FAM185A: variants seen among roughly 807,000 people sequenced by gnomAD.
FAM185A encodes the protein family with sequence similarity 185 member A.
A neutral mutation model predicts 45.7 loss-of-function variants in FAM185A; 21 were observed. That is an observed-to-expected ratio of 0.46 (90% CI 0.33 to 0.66). The LOEUF (loss-of-function observed/expected upper bound fraction) is 0.66, where lower values mean the gene tolerates loss of function less well. Among genes scored for constraint, FAM185A ranks in the 30% least tolerant of loss-of-function variants. The probability of loss-of-function intolerance (pLI) is 0.03; values close to 1 mark genes in which losing one functional copy is unlikely to be tolerated. For synonymous variants in FAM185A, 117 were observed against 194.0 expected (o/e 0.60, Z 3.30); for missense variants, 305 against 485.4 (o/e 0.63, Z 3.49).
At chr7:102,811,065 T>C (rs1355782146), downstream of FAM185A, among the ~76,000 whole-genome samples, 1 of 152,214 alleles carries the variant, frequency 6.6e-6, no homozygotes, top group Non-Finnish European at 1.5e-5. Context: ...TGTGGTGTGT[T>C]ATACTATTAA....
At chr7:102,781,595 G>T (rs1795412337) in intron 6 of FAM185A, among the ~76,000 whole-genome samples, 2 of 152,198 alleles carry the variant, frequency 1.3e-5, no homozygotes, top group Non-Finnish European at 2.9e-5. Flanking sequence ...GCAGCTGAGG[G>T]TCCTGACTGT....
At chr7:102,800,830 A>G (rs1435149946) in intron 7 of FAM185A, among the ~76,000 whole-genome samples, 2 of 152,198 alleles carry the variant, frequency 1.3e-5, no homozygotes, top group East Asian at 3.9e-4. Flanking sequence ...AACTGAGGAA[A>G]ACTTCCCTGG....
At chr7:102,778,857 C>T (rs2411046) in intron 6 of FAM185A, among the ~76,000 whole-genome samples, 7 of 151,934 alleles carry the variant, frequency 4.6e-5, no homozygotes, top group Non-Finnish European at 7.4e-5. Context: ...CTTAATCGTT[C>T]GCAAAGACAT....
the FAM185A span, among the ~76,000 whole-genome samples, chr7:102,829,417 T>C: frequency 6.6e-6 from 1 of 152,232 alleles, no homozygotes; most frequent in Non-Finnish European, 1.5e-5. Context: ...TGCTTTCGCT[T>C]ACCTTATCCC....
chr7:102,801,470 CAACT>C (rs1250130292), intron 7 of FAM185A, among the ~76,000 whole-genome samples: 3 of 152,178 alleles, frequency 2.0e-5, no homozygotes, highest in African/African-American at 4.8e-5. Flanking sequence ...ATTCACCAAC[CAACT>C]ATCTACTGCT....
intron 4 of FAM185A, among the ~76,000 whole-genome samples, chr7:102,771,607 A>T (rs1458435195): frequency 6.6e-6 from 1 of 152,054 alleles, no homozygotes; most frequent in Non-Finnish European, 1.5e-5. Context: ...AGTTTACTGA[A>T]GATTAATTCT....
the FAM185A span, among the ~76,000 whole-genome samples, chr7:102,831,394 G>GAC: frequency 0.071 from 9,988 of 141,506 alleles, 364 homozygotes; most frequent in East Asian, 0.088. Context: ...CAGTGCCCGG[G>GAC]ACACACACAC....
intron 2 of FAM185A, among the ~76,000 whole-genome samples, chr7:102,752,470 C>T (rs1793423995): frequency 6.6e-6 from 1 of 151,978 alleles, no homozygotes; most frequent in Non-Finnish European, 1.5e-5. Flanking sequence ...CAGGGTTTCA[C>T]CATGTTGGCC....
At chr7:102,821,036 A>AC in the FAM185A span, among the ~76,000 whole-genome samples, 1 of 152,242 alleles carries the variant, frequency 6.6e-6, no homozygotes, top group Non-Finnish European at 1.5e-5. Context: ...GATTGGCAAA[A>AC]TATAATCAAA....
intron 2 of FAM185A, chr7:102,755,323 T>C (rs1793641625): frequency 1.8e-6 from 1 of 564,498 alleles, no homozygotes; most frequent in Non-Finnish European, 3.1e-6. Context: ...ATGGCCCCGC[T>C]ATATCAGGTT....
At chr7:102,764,011 C>T (rs1322626291) in intron 4 of FAM185A, among the ~76,000 whole-genome samples, 16 of 152,194 alleles carry the variant, frequency 1.1e-4, no homozygotes, top group Non-Finnish European at 1.9e-4. Flanking sequence ...CCATTATCAC[C>T]CTGCCTCAAT....
intron 5 of FAM185A, among the ~76,000 whole-genome samples, chr7:102,775,468 C>G (rs1426653364): frequency 6.6e-6 from 1 of 152,154 alleles, no homozygotes; most frequent in Non-Finnish European, 1.5e-5. Context: ...TTCTTGAAAA[C>G]ATCTTGCGTT....
At chr7:102,776,052 G>A (rs541071572) in intron 5 of FAM185A, among the ~76,000 whole-genome samples, 1 of 150,640 alleles carries the variant, frequency 6.6e-6, no homozygotes, top group African/African-American at 2.5e-5. Context: ...TACTCTCTTT[G>A]TTTGAAGTCA....
chr7:102,838,502 G>A, the FAM185A span, among the ~76,000 whole-genome samples: 1 of 152,068 alleles, frequency 6.6e-6, no homozygotes, highest in East Asian at 1.9e-4. Context: ...CCAGGCTGGA[G>A]TGCAGTGGTG....
intron 7 of FAM185A, among the ~76,000 whole-genome samples, chr7:102,794,803 C>A (rs1796351212): frequency 6.6e-6 from 1 of 152,172 alleles, no homozygotes; most frequent in Non-Finnish European, 1.5e-5. Flanking sequence ...CATGGTATGT[C>A]CACATAAGGT....
intron 2 of FAM185A, among the ~76,000 whole-genome samples, chr7:102,756,696 C>T (rs1264309081): frequency 1.4e-5 from 2 of 145,278 alleles, no homozygotes; most frequent in Non-Finnish European, 3.0e-5. Flanking sequence ...CATCTAATGG[C>T]TCATATATAA....
intron 7 of FAM185A, among the ~76,000 whole-genome samples, chr7:102,799,910 C>T (rs914608674): frequency 3.4e-4 from 52 of 151,664 alleles, no homozygotes; most frequent in South Asian, 6.3e-4. Context: ...TAGAGGCTCG[C>T]GTCATGAATT....
At chr7:102,800,702 A>C (rs1487516943) in intron 7 of FAM185A, among the ~76,000 whole-genome samples, 1 of 152,154 alleles carries the variant, frequency 6.6e-6, no homozygotes, top group Admixed American at 6.5e-5. Context: ...AAAAGAAGAA[A>C]ATATGAACAA....
downstream of FAM185A, among the ~76,000 whole-genome samples, chr7:102,810,345 G>A (rs544833309): frequency 1.5e-4 from 23 of 151,662 alleles, no homozygotes; most frequent in Non-Finnish European, 3.1e-4. Context: ...CGATTCCCAT[G>A]CCTCAGCCAC....
Sources: gnomAD v4.1 joint callset for allele counts (sites outside exome capture counted in the v4.1 genomes callset) on GRCh38, gnomAD v4.1.1 for gene constraint, MANE v1.5 for transcripts, NCBI Gene and HGNC (gene_info 2026-07-23, HGNC 2026-07-21) for gene names.